Variants in CCNY observed in about 807,000 individuals in gnomAD.
CCNY encodes the protein cyclin Y.
In CCNY, 19 loss-of-function variants were observed where a neutral mutation model predicts 42.8. The ratio of observed to expected loss-of-function variants is 0.44; its 90% CI spans 0.31 to 0.65. CCNY has a LOEUF of 0.65. CCNY is among the 30% of genes least tolerant of loss of function. The probability of loss-of-function intolerance (pLI) is 0.07; values close to 1 mark genes in which losing one functional copy is unlikely to be tolerated. For missense variants in CCNY, 370 were observed against 437.3 expected, an observed-to-expected ratio of 0.85 and a Z score of 1.37; for synonymous variants, 165 against 162.7, an observed-to-expected ratio of 1.01 and a Z score of -0.11.
At chr10:35,467,418 CAT>C (rs1301688394) in intron 1 of CCNY, among the ~76,000 whole-genome samples, 1 of 152,150 alleles carries the variant, frequency 6.6e-6, no homozygotes, top group Admixed American at 6.5e-5. Flanking sequence ...AGCCACTTGA[CAT>C]GTGACAACTC....
intron 3 of CCNY, among the ~76,000 whole-genome samples, chr10:35,327,096 C>T (rs982216174): frequency 6.6e-6 from 1 of 151,904 alleles, no homozygotes; most frequent in Non-Finnish European, 1.5e-5. Context: ...AAAAATATTT[C>T]GCTAGGCTAT....
chr10:35,331,731 G>A (rs1249459611), upstream of CCNY, among the ~76,000 whole-genome samples: 1 of 152,090 alleles, frequency 6.6e-6, no homozygotes, highest in Non-Finnish European at 1.5e-5. Flanking sequence ...TTTTTATTTG[G>A]ACGCACAATT....
At chr10:35,353,655 C>T (rs958017676) in intron 1 of CCNY, among the ~76,000 whole-genome samples, 16 of 152,200 alleles carry the variant, frequency 1.1e-4, no homozygotes, top group Admixed American at 5.2e-4. Flanking sequence ...TCTTCTGATA[C>T]TGGGGTCAGA....
intron 1 of CCNY, among the ~76,000 whole-genome samples, chr10:35,365,694 T>G (rs1469480757): frequency 6.6e-6 from 1 of 152,176 alleles, no homozygotes; most frequent in Non-Finnish European, 1.5e-5. Flanking sequence ...AAATAAAATC[T>G]TTAGTGGATA....
intron 1 of CCNY, among the ~76,000 whole-genome samples, chr10:35,468,355 G>T (rs189632065): frequency 6.6e-6 from 1 of 152,254 alleles, no homozygotes; most frequent in East Asian, 1.9e-4. Context: ...AATTTTGGGG[G>T]GACACAAATA....
intron 1 of CCNY, among the ~76,000 whole-genome samples, chr10:35,398,055 A>G (rs757382709): frequency 6.6e-6 from 1 of 152,152 alleles, no homozygotes; most frequent in Non-Finnish European, 1.5e-5. Flanking sequence ...TGGAGTGGGC[A>G]TGGATGGAGG....
chr10:35,268,607 C>G (rs1177474192), intron 3 of CCNY, among the ~76,000 whole-genome samples: 7 of 152,226 alleles, frequency 4.6e-5, no homozygotes, highest in Admixed American at 2.6e-4. Flanking sequence ...AGCCAGGGCT[C>G]TCTGCAGTGA....
In CCNY at chr10:35,569,502, G is replaced by T. The variant is rs1030217529; in HGVS notation, c.*332G>T. 1 of 332,830 alleles carries T rather than the reference G, an allele frequency of 3.0e-6. No individual in the cohort carries two copies. Among genetic ancestry groups the T allele is most frequent in the Non-Finnish European group, 5.7e-6 (1 of 174,950 alleles). The allele number at this position is 332,830 out of a possible 1,614,324, so 20.6% of individuals were successfully genotyped here. A position where few individuals can be genotyped will look rare whatever the true frequency, so the allele number is the denominator to read the frequency against. ...AGCCCGGCCCTCTGGAGTCCCCATG[G>T]GGGCGGTAGCTGAAGTTGGCGAGCG... is the stretch of plus-strand genomic sequence containing the variant. On this transcript the variant is annotated 3_prime_UTR_variant, in exon 10 of 10. Transcript: ENST00000374704.
intron 7 of CCNY, among the ~76,000 whole-genome samples, chr10:35,545,121 C>T (rs914535310): frequency 1.5e-4 from 23 of 152,134 alleles, no homozygotes; most frequent in African/African-American, 5.6e-4. Context: ...CAAAGAAACC[C>T]AGACTTATTT....
intron 1 of CCNY, chr10:35,247,969 A>G (rs540358965): frequency 5.3e-4 from 81 of 152,400 alleles, no homozygotes; most frequent in African/African-American, 1.9e-3. Flanking sequence ...ATTGAGAATA[A>G]ACAAGTGGTG....
At chr10:35,299,649 A>C (rs1835510271) in intron 3 of CCNY, among the ~76,000 whole-genome samples, 1 of 152,158 alleles carries the variant, frequency 6.6e-6, no homozygotes, top group Non-Finnish European at 1.5e-5. Flanking sequence ...TTGTGTCTGT[A>C]TAAAGTGGAT....
chr10:35,552,032 A>T (rs1166219980), intron 7 of CCNY, among the ~76,000 whole-genome samples: 1 of 152,256 alleles, frequency 6.6e-6, no homozygotes, highest in Non-Finnish European at 1.5e-5. Context: ...TGTACCCAAA[A>T]GAATTAAAAG....
At chr10:35,496,559 G>A (rs1589159996) in intron 2 of CCNY, among the ~76,000 whole-genome samples, 1 of 152,128 alleles carries the variant, frequency 6.6e-6, no homozygotes, top group Admixed American at 6.5e-5. Flanking sequence ...AGTCAGGTGC[G>A]GTGGCTCATA....
intron 1 of CCNY, among the ~76,000 whole-genome samples, chr10:35,355,727 C>G (rs1349855811): frequency 1.8e-5 from 2 of 114,248 alleles, no homozygotes; most frequent in Non-Finnish European, 3.6e-5. Context: ...AGTGGAAAAG[C>G]AAGGTTTTCT....
chr10:35,323,687 G>A (rs1835847167), intron 3 of CCNY, among the ~76,000 whole-genome samples: 1 of 152,116 alleles, frequency 6.6e-6, no homozygotes, highest in Non-Finnish European at 1.5e-5. Flanking sequence ...CTTGATTGTG[G>A]TGATGGTGGT....
intron 9 of CCNY, among the ~76,000 whole-genome samples, chr10:35,568,495 A>G (rs985343468): frequency 3.3e-5 from 5 of 152,122 alleles, no homozygotes; most frequent in Non-Finnish European, 7.4e-5. Flanking sequence ...CACATCTCAT[A>G]TTTTTGTGAT....
At chr10:35,287,997 A>G (rs895756024) in intron 3 of CCNY, among the ~76,000 whole-genome samples, 5 of 152,194 alleles carry the variant, frequency 3.3e-5, no homozygotes, top group Non-Finnish European at 7.3e-5. Flanking sequence ...TTCCTAGGCC[A>G]TATGATAAAT....
chr10:35,543,397 A>G (rs2135438382), intron 7 of CCNY, among the ~76,000 whole-genome samples: 1 of 152,350 alleles, frequency 6.6e-6, no homozygotes, highest in Non-Finnish European at 1.5e-5. Flanking sequence ...CTGTAACAAT[A>G]TGGTCATGTG....
intron 3 of CCNY, among the ~76,000 whole-genome samples, chr10:35,259,694 T>TA (rs2095718206): frequency 6.8e-6 from 1 of 146,250 alleles, no homozygotes; most frequent in African/African-American, 2.5e-5. Flanking sequence ...TTTTTTTTTT[T>TA]AGAGACGAGG....
Sources: gnomAD v4.1 joint callset for allele counts (sites outside exome capture counted in the v4.1 genomes callset) on GRCh38, gnomAD v4.1.1 for gene constraint, MANE v1.5 for transcripts, NCBI Gene and HGNC (gene_info 2026-07-23, HGNC 2026-07-21) for gene names.